PARD3: variants seen among roughly 807,000 people sequenced by gnomAD.
The protein encoded by PARD3 is par-3 family cell polarity regulator.
Under a neutral mutation model 155.4 loss-of-function variants are expected in PARD3, and 75 were observed. The observed-to-expected ratio is 0.48, with a 90% CI of 0.40 to 0.58. The LOEUF is 0.58. PARD3 is among the 20% of genes least tolerant of loss of function. PARD3 has a pLI of 0.00. For missense variants in PARD3, 1,642 were observed against 1,721.7 expected, an observed-to-expected ratio of 0.95 and a Z score of 0.82; for synonymous variants, 576 against 610.5, an observed-to-expected ratio of 0.94 and a Z score of 0.83.
intron 22 of PARD3, among the ~76,000 whole-genome samples, chr10:34,198,856 A>C (rs1320865808): frequency 1.3e-5 from 2 of 152,162 alleles, no homozygotes; most frequent in Non-Finnish European, 2.9e-5. Context: ...ATGGGTGATC[A>C]TTAATGCTCA....
chr10:34,228,215 C>A lies in PARD3; in HGVS notation c.3419+41442G>T, dbSNP rs187158546. Among the ~76,000 whole-genome samples, 99 of 151,868 alleles carry A rather than the reference C, an allele frequency of 6.5e-4. 1 individual carries two copies. Among genetic ancestry groups the A allele is most frequent in the African/African-American group, 2.2e-3 (89 of 41,306 alleles). On this transcript the variant is annotated intron_variant, in intron 22 of 24. Coordinates refer to ENST00000374788, the MANE Select transcript of PARD3 (RefSeq NM_001184785.2). ...ATAAGTGGGAGCTAAACATTGAGTA[C>A]ACATGGACACAAAGAGGGAACAATA...
intron 4 of PARD3, among the ~76,000 whole-genome samples, chr10:34,454,293 A>C (rs1050570924): frequency 2.0e-5 from 3 of 152,166 alleles, no homozygotes; most frequent in African/African-American, 7.2e-5. Context: ...ATCTGTATTT[A>C]TGATGGAAAG....
chr10:34,486,405 G>T (rs540239167), intron 3 of PARD3, among the ~76,000 whole-genome samples: 1 of 152,142 alleles, frequency 6.6e-6, no homozygotes, highest in African/African-American at 2.4e-5. Context: ...GTCTGTTTTG[G>T]TTTTGTTTCA....
chr10:34,662,046 T>C (rs2093339378), intron 2 of PARD3, among the ~76,000 whole-genome samples: 1 of 152,146 alleles, frequency 6.6e-6, no homozygotes, highest in Non-Finnish European at 1.5e-5. Flanking sequence ...TGAAGGCTAC[T>C]ACTGGGCAGG....
intron 22 of PARD3, among the ~76,000 whole-genome samples, chr10:34,185,570 C>T (rs1250164617): frequency 6.6e-6 from 1 of 151,808 alleles, no homozygotes; most frequent in Non-Finnish European, 1.5e-5. Flanking sequence ...TCAACAGTTA[C>T]TGGATATTTA....
chr10:34,618,282 A>G (rs1263389368), intron 2 of PARD3, among the ~76,000 whole-genome samples: 1 of 152,220 alleles, frequency 6.6e-6, no homozygotes, highest in African/African-American at 2.4e-5. Flanking sequence ...AGACCTCCCA[A>G]TATCAGAAGA....
intron 1 of PARD3, among the ~76,000 whole-genome samples, chr10:34,748,030 G>T (rs909848642): frequency 2.7e-5 from 4 of 150,344 alleles, no homozygotes; most frequent in Non-Finnish European, 5.9e-5. Context: ...GGACGTGGGG[G>T]TTACCACCAT....
intron 2 of PARD3, among the ~76,000 whole-genome samples, chr10:34,550,274 T>C (rs1589975102): frequency 6.6e-6 from 1 of 152,096 alleles, no homozygotes; most frequent in African/African-American, 2.4e-5. Flanking sequence ...CAGGCTGGAG[T>C]GCAGTGGTAG....
chr10:34,208,432 G>T (rs1951580856), intron 22 of PARD3, among the ~76,000 whole-genome samples: 1 of 152,192 alleles, frequency 6.6e-6, no homozygotes, highest in South Asian at 2.1e-4. Context: ...CTCATCTAAT[G>T]TTGCTAACAT....
chr10:34,501,172 T>C (rs1251322081), intron 3 of PARD3, among the ~76,000 whole-genome samples: 3 of 152,162 alleles, frequency 2.0e-5, no homozygotes, highest in Non-Finnish European at 4.4e-5. Flanking sequence ...CCAAATTTCA[T>C]GTTGAACTGT....
chr10:34,439,514 G>A (rs1329372912), intron 5 of PARD3, among the ~76,000 whole-genome samples: 1 of 151,980 alleles, frequency 6.6e-6, no homozygotes, highest in Admixed American at 6.6e-5. Flanking sequence ...CTGGAGTGCA[G>A]TGGTGCAATC....
chr10:34,120,004 A>ATTTTTTTT lies in PARD3; in HGVS notation c.3541-272_3541-265dup, dbSNP rs1185067110. Among the ~76,000 whole-genome samples the ATTTTTTTT allele has an allele frequency of 2.6e-3, 194 of 73,820 alleles. 20 individuals are homozygous for ATTTTTTTT. Among genetic ancestry groups the ATTTTTTTT allele is most frequent in the African/African-American group, 0.011 (180 of 17,050 alleles). The allele number at this position is 73,820 out of a possible 152,430, so 48.4% of individuals were successfully genotyped here. ...AGATCAAACTTTCTAGTCTTCTTTAATTTTTTTTTTTTTTTTTTTTTTTTT... is the reference window on the plus strand; with the variant it reads ...AGATCAAACTTTCTAGTCTTCTTTAATTTTTTTTTTTTTTTTTTTTTTTTTTTTTTTTT... On this transcript the variant is annotated intron_variant, in intron 23 of 24. Coordinates refer to ENST00000374788, the MANE Select transcript of PARD3 (RefSeq NM_001184785.2).
intron 1 of PARD3, among the ~76,000 whole-genome samples, chr10:34,702,837 G>C (rs1201943410): frequency 6.6e-6 from 1 of 152,152 alleles, no homozygotes; most frequent in Non-Finnish European, 1.5e-5. Context: ...CCTTAGGTCA[G>C]AGCCAACCAT....
At chr10:34,210,360 C>T (rs932772438) in intron 22 of PARD3, among the ~76,000 whole-genome samples, 4 of 152,108 alleles carry the variant, frequency 2.6e-5, no homozygotes, top group African/African-American at 9.7e-5. Context: ...AAATCAGAAC[C>T]ACTCTTTCAC....
chr10:34,251,455 C>CA (rs1336880785), intron 22 of PARD3, among the ~76,000 whole-genome samples: 1 of 152,040 alleles, frequency 6.6e-6, no homozygotes, highest in East Asian at 1.9e-4. Flanking sequence ...GTCATGCTCA[C>CA]AAAAAAACCC....
intron 4 of PARD3, among the ~76,000 whole-genome samples, chr10:34,463,301 GAGGGGAAAGGGA>G (rs1160317485): frequency 1.8e-4 from 22 of 120,558 alleles, no homozygotes; most frequent in East Asian, 6.0e-4. Flanking sequence ...CAAGAAAGGG[GAGGGGAAAGGGA>G]AGGGGAAAGG....
intron 11 of PARD3, among the ~76,000 whole-genome samples, chr10:34,373,246 G>A (rs1840878046): frequency 6.6e-6 from 1 of 151,618 alleles, no homozygotes; most frequent in Non-Finnish European, 1.5e-5. Context: ...TAGACTGACG[G>A]CCTACTGGCG....
intron 4 of PARD3, among the ~76,000 whole-genome samples, chr10:34,468,961 C>G (rs971544368): frequency 6.6e-6 from 1 of 152,088 alleles, no homozygotes; most frequent in Admixed American, 6.5e-5. Context: ...ACTGGCTGCA[C>G]TGAAAAAATG....
At chr10:34,624,002 GC>G in intron 2 of PARD3, among the ~76,000 whole-genome samples, 1 of 151,364 alleles carries the variant, frequency 6.6e-6, no homozygotes, top group South Asian at 2.1e-4. Flanking sequence ...AAAAGTCAGC[GC>G]GCATGCAGCT....
Sources: gnomAD v4.1 joint callset for allele counts (sites outside exome capture counted in the v4.1 genomes callset) on GRCh38, gnomAD v4.1.1 for gene constraint, MANE v1.5 for transcripts, NCBI Gene and HGNC (gene_info 2026-07-23, HGNC 2026-07-21) for gene names.